LTBP1: variants seen among roughly 807,000 people sequenced by gnomAD.
LTBP1 encodes latent-transforming growth factor beta-binding protein 1.
In LTBP1, 129 loss-of-function variants were observed where a neutral mutation model predicts 207.6. That is an observed-to-expected ratio of 0.62 (90% CI 0.54 to 0.72). LTBP1 has a LOEUF of 0.72. Among genes scored for constraint, LTBP1 ranks in the 30% least tolerant of loss-of-function variants. The pLI, the probability that LTBP1 is intolerant of heterozygous loss-of-function variation, is 0.00. For missense variants in LTBP1, 2,281 were observed against 2,217.2 expected (o/e 1.03, Z -0.58); for synonymous variants, 963 against 833.7 (o/e 1.16, Z -2.67).
rs367789474 is a variant in LTBP1 at position 33,397,724 on chromosome 2, G to A, written c.4984+442G>A. ...TTTTTAGTAGAGACGGGATTTCACC[G>A]TGTTAGCCAGGATGGTTTCAATCTC... is the stretch of plus-strand genomic sequence containing the variant. On this transcript the variant is annotated intron_variant, in intron 33 of 33. Coordinates refer to ENST00000404816, the MANE Select transcript of LTBP1 (RefSeq NM_206943.4). 2.6e-3 allele frequency among the ~76,000 whole-genome samples: 377 copies of A among 144,006 alleles called. 1 individual carries two copies. Among genetic ancestry groups the A allele is most frequent in the South Asian group, 0.014 (62 of 4,572 alleles). 94.5% of individuals were successfully genotyped at this position (144,006 alleles called of 152,430 possible).
chr2:33,196,403 C>T lies in LTBP1; in HGVS notation c.1701+7552C>T, dbSNP rs192736953. 1.1e-3 allele frequency among the ~76,000 whole-genome samples: 164 copies of T among 152,044 alleles called. 2 individuals are homozygous for T. The highest frequency in any genetic ancestry group is 1.3e-4 in the Non-Finnish European group (9 of 67,976). ...GCTTTCACTGTAATACATTTAGAGA[C>T]TTTTTAGAAACAAACTTAAAGTTTT... On this transcript the variant is annotated intron_variant, in intron 7 of 33. Coordinates refer to ENST00000404816, the MANE Select transcript of LTBP1 (RefSeq NM_206943.4).
chr2:32,965,927 T>C (rs1353086815), intron 2 of LTBP1, among the ~76,000 whole-genome samples: 1 of 152,248 alleles, frequency 6.6e-6, no homozygotes. Flanking sequence ...ACAATGGTTA[T>C]ACTATTTTGC....
intron 15 of LTBP1, among the ~76,000 whole-genome samples, chr2:33,270,290 T>A (rs2093288283): frequency 6.6e-6 from 1 of 151,774 alleles, no homozygotes; most frequent in Non-Finnish European, 1.5e-5. Flanking sequence ...GTGATGGTTG[T>A]TTTCTGTCTG....
chr2:33,396,230 CTT>C (rs1451357616), intron 32 of LTBP1, among the ~76,000 whole-genome samples: 1 of 149,694 alleles, frequency 6.7e-6, no homozygotes, highest in Non-Finnish European at 1.5e-5. Context: ...GGTTTTTTGT[CTT>C]TTGTTTTTTT....
chr2:33,245,223 G>A (rs114388694), intron 10 of LTBP1, among the ~76,000 whole-genome samples: 1 of 152,058 alleles, frequency 6.6e-6, no homozygotes, highest in Non-Finnish European at 1.5e-5. Context: ...ATAATGAGCT[G>A]CATCTTTCTT....
intron 26 of LTBP1, among the ~76,000 whole-genome samples, chr2:33,356,489 C>G (rs1440338448): frequency 6.6e-6 from 1 of 152,128 alleles, no homozygotes; most frequent in Non-Finnish European, 1.5e-5. Flanking sequence ...ACCATCCTGG[C>G]TAACATGGTG....
chr2:33,247,752 G>C lies in LTBP1; in HGVS notation c.1999+3968G>C, dbSNP rs537684706. On this transcript the variant is annotated intron_variant, in intron 10 of 33. Transcript: ENST00000404816. Reference sequence around the variant, plus strand: ...AGTCATGTATGGCCTGTGTAACTGAGGAATTGAATTTTTACTTTTATTTAA... The same window carrying C: ...AGTCATGTATGGCCTGTGTAACTGACGAATTGAATTTTTACTTTTATTTAA... 7.9e-4 allele frequency among the ~76,000 whole-genome samples: 120 copies of C among 152,336 alleles called. 2 individuals carry two copies. Among genetic ancestry groups the C allele is most frequent in the African/African-American group, 2.6e-3 (107 of 41,574 alleles).
rs879023935 is a variant in LTBP1 at position 33,363,599 on chromosome 2, A to G, written c.4399+81A>G. The G allele has an allele frequency of 1.0e-5, 14 of 1,391,992 alleles. No individual in the cohort carries two copies. The South Asian group carries it at 1.5e-4, about 14-fold the overall frequency. The allele number at this position is 1,391,992 out of a possible 1,614,324, so 86.2% of individuals were successfully genotyped here. On this transcript the variant is annotated intron_variant, in intron 29 of 33. Transcript: ENST00000404816. ...ATAACTATGCTATGTAGTAAAAACAATTTCCTTGAATCTAAATCATGTGTT... is the reference window on the plus strand; with the variant it reads ...ATAACTATGCTATGTAGTAAAAACAGTTTCCTTGAATCTAAATCATGTGTT...
chr2:33,245,090 G>T (rs1358539717), intron 10 of LTBP1, among the ~76,000 whole-genome samples: 2 of 152,068 alleles, frequency 1.3e-5, no homozygotes, highest in African/African-American at 4.8e-5. Flanking sequence ...ATATTGGTCA[G>T]GCTGGTCTTG....
intron 31 of LTBP1, among the ~76,000 whole-genome samples, chr2:33,373,304 A>G (rs1386633405): frequency 6.6e-6 from 1 of 152,250 alleles, no homozygotes; most frequent in African/African-American, 2.4e-5. Flanking sequence ...ACATTGATCA[A>G]CATACAGAGG....
At chr2:33,274,900 C>A in intron 16 of LTBP1, 65 bp from the exon 17 acceptor site, 1 of 1,526,708 alleles carries the variant, frequency 6.6e-7, no homozygotes, top group Non-Finnish European at 9.0e-7. Flanking sequence ...TGGTATTTTA[C>A]AGAACAGGGA....
intron 24 of LTBP1, among the ~76,000 whole-genome samples, chr2:33,336,684 C>T (rs1164689959): frequency 6.6e-6 from 1 of 152,182 alleles, no homozygotes; most frequent in Non-Finnish European, 1.5e-5. Flanking sequence ...AGACGGAAAG[C>T]TCATTAGTGA....
At chr2:33,051,036 G>T (rs2076712911) in intron 3 of LTBP1, among the ~76,000 whole-genome samples, 1 of 152,076 alleles carries the variant, frequency 6.6e-6, no homozygotes, top group South Asian at 2.1e-4. Flanking sequence ...AACTCTTGAG[G>T]TTTCCTCAGC....
At chr2:33,179,591 G>C (rs960582499) in intron 5 of LTBP1, among the ~76,000 whole-genome samples, 2 of 151,690 alleles carry the variant, frequency 1.3e-5, no homozygotes, top group Non-Finnish European at 2.9e-5. Flanking sequence ...TCTCTCATAT[G>C]TAAAAGAAAA....
At chr2:33,075,721 G>T (rs891822597) in intron 3 of LTBP1, among the ~76,000 whole-genome samples, 4 of 152,106 alleles carry the variant, frequency 2.6e-5, no homozygotes, top group African/African-American at 9.7e-5. Flanking sequence ...TTATGTTTTT[G>T]TCAATGGGGG....
chr2:33,176,818 C>T (rs1356768293), intron 5 of LTBP1, among the ~76,000 whole-genome samples: 1 of 152,142 alleles, frequency 6.6e-6, no homozygotes, highest in Non-Finnish European at 1.5e-5. Flanking sequence ...ACACCTTGCA[C>T]ATCCCTTTTG....
chr2:33,090,857 C>G (rs17397275), intron 3 of LTBP1, among the ~76,000 whole-genome samples: 14,870 of 152,280 alleles, frequency 0.098, 968 homozygotes, highest in Non-Finnish European at 0.14. Context: ...CTTGCTGGTA[C>G]AGTTGGGTTT....
Position 33,134,457 on chromosome 2 carries a change from G to A in LTBP1, c.1034-336G>A, listed in dbSNP as rs1456697905. 8 of 927,804 alleles carry A rather than the reference G, an allele frequency of 8.6e-6. No individual in the cohort carries two copies. The highest frequency in any genetic ancestry group is 6.6e-5 in the Admixed American group (3 of 45,472). The allele number at this position is 927,804 out of a possible 1,614,324, so 57.5% of individuals were successfully genotyped here. A position where few individuals can be genotyped will look rare whatever the true frequency, so the allele number is the denominator to read the frequency against. On this transcript the variant is annotated intron_variant, in intron 4 of 33. Coordinates refer to ENST00000404816, the MANE Select transcript of LTBP1 (RefSeq NM_206943.4). The surrounding 1 kb of genome is among the most constrained non-coding windows in gnomAD (Gnocchi z 4.4). ...CAGGGTTGGCTCTTTAATCTGTCGT[G>A]CCCTCGGTATTGCTCTTTGTCTGCC...
At chr2:33,068,959 T>C (rs1426013784) in intron 3 of LTBP1, among the ~76,000 whole-genome samples, 1 of 152,238 alleles carries the variant, frequency 6.6e-6, no homozygotes, top group Non-Finnish European at 1.5e-5. Flanking sequence ...GTTTAACTAT[T>C]CTAACCATTT....
Sources: allele counts gnomAD v4.1 joint callset (sites outside exome capture counted in the v4.1 genomes callset), GRCh38; gene constraint gnomAD v4.1.1; non-coding constraint Gnocchi (gnomAD v3.1); transcripts MANE v1.5; gene names NCBI Gene and HGNC (gene_info 2026-07-23, HGNC 2026-07-21).